Variants in ADAMTS9 observed in about 807,000 individuals in gnomAD.
The protein encoded by ADAMTS9 is A disintegrin and metalloproteinase with thrombospondin motifs 9.
Under a neutral mutation model 257.1 loss-of-function variants are expected in ADAMTS9, and 107 were observed. The ratio of observed to expected loss-of-function variants is 0.42; its 90% CI spans 0.36 to 0.49. ADAMTS9 has a LOEUF of 0.49. Ranked by LOEUF, ADAMTS9 falls within the 20% of genes least tolerant of loss-of-function variation. The pLI, the probability that ADAMTS9 is intolerant of heterozygous loss-of-function variation, is 0.03. For synonymous variants in ADAMTS9, 982 were observed against 880.9 expected (o/e 1.11, Z -2.03); for missense variants, 2,353 against 2,469.1 (o/e 0.95, Z 1.00).
intron 28 of ADAMTS9, among the ~76,000 whole-genome samples, chr3:64,590,433 G>A (rs1369498989): frequency 6.6e-6 from 1 of 151,962 alleles, no homozygotes; most frequent in Admixed American, 6.6e-5. Flanking sequence ...TTTAAACATT[G>A]TATATAAAAT....
intron 31 of ADAMTS9, among the ~76,000 whole-genome samples, chr3:64,547,643 G>A (rs2083219880): frequency 6.6e-6 from 1 of 151,746 alleles, no homozygotes; most frequent in Non-Finnish European, 1.5e-5. Flanking sequence ...CTCCCAAGTA[G>A]TTGGGATTAC....
chr3:64,603,395 G>T (rs567390250), intron 25 of ADAMTS9, among the ~76,000 whole-genome samples: 1 of 146,690 alleles, frequency 6.8e-6, no homozygotes, highest in Admixed American at 6.8e-5. Context: ...ACAAGAAGCT[G>T]CCTAAAGATA....
At chr3:64,655,421 T>C (rs563847676) in intron 6 of ADAMTS9, among the ~76,000 whole-genome samples, 155 bp downstream of exon 6, 1 of 152,282 alleles carries the variant, frequency 6.6e-6, no homozygotes, top group East Asian at 1.9e-4. Flanking sequence ...CTGTTAAACA[T>C]CTTGCAATGC....
At chr3:64,670,144 CA>C (rs987191821) in intron 3 of ADAMTS9, among the ~76,000 whole-genome samples, 1 of 151,920 alleles carries the variant, frequency 6.6e-6, no homozygotes, top group African/African-American at 2.4e-5. Context: ...GTCTCAGTCT[CA>C]TTGTCCCTCT....
chr3:64,605,275 A>G (rs1387591692), intron 23 of ADAMTS9, among the ~76,000 whole-genome samples: 2 of 152,214 alleles, frequency 1.3e-5, no homozygotes, highest in Admixed American at 6.5e-5. Context: ...AAAGGGAAAT[A>G]TATTTTGAAT....
chr3:64,617,707 C>A (rs1258207027), intron 19 of ADAMTS9, among the ~76,000 whole-genome samples: 1 of 152,080 alleles, frequency 6.6e-6, no homozygotes, highest in Non-Finnish European at 1.5e-5. Flanking sequence ...CGACTGAATT[C>A]AAAAGGTTTT....
intron 38 of ADAMTS9, 23 bp downstream of exon 38, chr3:64,533,143 C>A (rs1419933921): frequency 6.3e-7 from 1 of 1,583,944 alleles, no homozygotes; most frequent in African/African-American, 1.3e-5. Context: ...AATTCATCTC[C>A]CAACCCATCT....
chr3:64,537,476 G>A (rs1020188398), intron 37 of ADAMTS9, among the ~76,000 whole-genome samples: 3 of 152,136 alleles, frequency 2.0e-5, no homozygotes, highest in Non-Finnish European at 4.4e-5. Context: ...ATGGAAGAAA[G>A]GCTCTTTTTA....
At position 64,649,769 on chromosome 3, in the gene ADAMTS9, A is replaced by G; in HGVS notation, c.1473T>C (p.Tyr491=). ...KYITEFLDTG[Y]GECLLNEPES... is the part of the protein sequence containing the mutation. ...CAGGTTCGTTAAGCAAACACTCGCCATAACCAGTGCTACGGAAACACACAG... is the reference window on the plus strand; with the variant it reads ...CAGGTTCGTTAAGCAAACACTCGCCGTAACCAGTGCTACGGAAACACACAG... The change falls in exon 10 of 40, where the codon TAT becomes TAC. Residue 491 remains tyrosine, a synonymous_variant. Coordinates refer to ENST00000498707, the MANE Select transcript of ADAMTS9 (RefSeq NM_182920.2). 2 of 1,613,676 alleles carry G rather than the reference A, an allele frequency of 1.2e-6. No homozygotes were observed. The highest frequency in any genetic ancestry group is 1.1e-5 in the South Asian group (1 of 90,954).
chr3:64,621,864 C>T (rs745937732), intron 18 of ADAMTS9, among the ~76,000 whole-genome samples: 1 of 151,134 alleles, frequency 6.6e-6, no homozygotes, highest in African/African-American at 2.4e-5. Context: ...GGTTTGCTGA[C>T]TCCTCATTTA....
At chr3:64,549,258 CT>C (rs1256043441) in intron 31 of ADAMTS9, among the ~76,000 whole-genome samples, 2 of 152,096 alleles carry the variant, frequency 1.3e-5, no homozygotes, top group Non-Finnish European at 2.9e-5. Context: ...GGAAGGCTTC[CT>C]TTTTTCTTTT....
chr3:64,565,844 A>G (rs1262725007), intron 29 of ADAMTS9: 1 of 152,206 alleles, frequency 6.6e-6, no homozygotes, highest in African/African-American at 2.4e-5. Context: ...TTCAGTAAGA[A>G]TAATTCCACC....
At chr3:64,631,978 A>G in intron 14 of ADAMTS9, 53 bp from the exon 15 acceptor site, 2 of 1,297,580 alleles carry the variant, frequency 1.5e-6, no homozygotes, top group Non-Finnish European at 1.1e-6. Flanking sequence ...AGATTATAAA[A>G]TGGCAAATAA....
intron 39 of ADAMTS9, among the ~76,000 whole-genome samples, chr3:64,518,739 C>T (rs537777285): frequency 4.7e-5 from 7 of 148,070 alleles, no homozygotes; most frequent in African/African-American, 9.9e-5. Context: ...TGAGTTCTGC[C>T]GAGGGAATTT....
At chr3:64,621,930 G>C (rs1469031489) in intron 18 of ADAMTS9, among the ~76,000 whole-genome samples, 1 of 151,950 alleles carries the variant, frequency 6.6e-6, no homozygotes, top group Non-Finnish European at 1.5e-5. Context: ...CCATGCTCTG[G>C]AAAATTACAA....
At chr3:64,526,310 T>G (rs995802663) in intron 38 of ADAMTS9, among the ~76,000 whole-genome samples, 1 of 152,108 alleles carries the variant, frequency 6.6e-6, no homozygotes, top group Non-Finnish European at 1.5e-5. Context: ...ACAACTATGA[T>G]ATATCGATAA....
chr3:64,601,909 G>A lies in ADAMTS9; in HGVS notation c.4017+35C>T, dbSNP rs370883050. 7.3e-4 allele frequency: 1,139 copies of A among 1,552,416 alleles called. 1 individual carries two copies. The highest frequency in any genetic ancestry group is 8.4e-4 in the Non-Finnish European group (963 of 1,151,226). ...TTTTACCCTAAACCCAACCTCAAGT[G>A]AAAGAGAAGCAAGCAAACTTCAGGG... is the stretch of plus-strand genomic sequence containing the variant. On this transcript the variant is annotated intron_variant, in intron 26 of 39. Coordinates refer to ENST00000498707, the MANE Select transcript of ADAMTS9 (RefSeq NM_182920.2).
At chr3:64,566,775 A>T (rs1003848939) in intron 29 of ADAMTS9, among the ~76,000 whole-genome samples, 1 of 152,168 alleles carries the variant, frequency 6.6e-6, no homozygotes, top group Non-Finnish European at 1.5e-5. Flanking sequence ...AAAGTAACAG[A>T]TCATGAAAGT....
At chr3:64,637,658 G>A (rs919532339) in intron 12 of ADAMTS9, among the ~76,000 whole-genome samples, 3 of 152,240 alleles carry the variant, frequency 2.0e-5, no homozygotes, top group African/African-American at 7.2e-5. Context: ...AGGGTAGTCA[G>A]ATTTAGGGTT....
Sources: allele counts gnomAD v4.1 joint callset (sites outside exome capture counted in the v4.1 genomes callset), GRCh38; gene constraint gnomAD v4.1.1; transcripts MANE v1.5; gene names NCBI Gene and HGNC (gene_info 2026-07-23, HGNC 2026-07-21).